The following CANX variants were observed in gnomAD, a reference collection of about 807,000 sequenced individuals.
The protein encoded by CANX is epididymis secretory sperm binding protein.
In CANX, 14 loss-of-function variants were observed where a neutral mutation model predicts 75.7. That is an observed-to-expected ratio of 0.19 (90% CI 0.12 to 0.29). The LOEUF is 0.29. Among genes scored for constraint, CANX ranks in the 10% least tolerant of loss-of-function variants. CANX has a pLI of 1.00. For synonymous variants in CANX, 227 were observed against 236.9 expected (o/e 0.96, Z 0.38); for missense variants, 567 against 713.2 (o/e 0.79, Z 2.34).
chr5:179,726,804 A>G (rs1407713334), intron 14 of CANX, 45 bp downstream of exon 14: 11 of 1,363,612 alleles, frequency 8.1e-6, no homozygotes, highest in Non-Finnish European at 1.2e-5. Flanking sequence ...AGCTGAAGGT[A>G]CATTTATGTA....
At chr5:179,688,934 G>A (rs969974513) in intron 1 of CANX, among the ~76,000 whole-genome samples, 6 of 151,368 alleles carry the variant, frequency 4.0e-5, no homozygotes, top group Non-Finnish European at 4.4e-5. Flanking sequence ...GGACAACAGA[G>A]TGAGACACTA....
intron 6 of CANX, among the ~76,000 whole-genome samples, chr5:179,709,274 C>T (rs1450572613): frequency 1.3e-5 from 2 of 152,036 alleles, no homozygotes; most frequent in African/African-American, 2.4e-5. Flanking sequence ...ATTAGCCAGG[C>T]GTGGTGGCAG....
At chr5:179,687,477 C>T (rs1776211187) in intron 1 of CANX, among the ~76,000 whole-genome samples, 1 of 152,110 alleles carries the variant, frequency 6.6e-6, no homozygotes, top group African/African-American at 2.4e-5. Context: ...GTAAATCTTC[C>T]AATAATATTC....
At position 179,699,013 on chromosome 5, in the gene CANX, C is replaced by T. The variant is rs753364875; in HGVS notation, c.-93C>T. On this transcript the variant is annotated 5_prime_UTR_variant, in exon 1 of 15. Transcript: ENST00000247461. ...GTTCTGCGGCACGTGACGGTCGGGC[C>T]GCCTCCGCCTCTCTCTTTACTGCGG... 2.8e-5 allele frequency: 31 copies of T among 1,113,336 alleles called. No homozygotes were observed. The highest frequency in any genetic ancestry group is 9.9e-5 in the East Asian group (1 of 10,130). 69.0% of individuals were successfully genotyped at this position (1,113,336 alleles called of 1,614,324 possible).
chr5:179,698,830 G>A (rs773181581), upstream of CANX: 7 of 809,436 alleles, frequency 8.6e-6, no homozygotes, highest in Non-Finnish European at 8.3e-6. Flanking sequence ...GGGACGGTGC[G>A]TAGAGCGATG....
chr5:179,720,005 A>G (rs1267696911), intron 9 of CANX, among the ~76,000 whole-genome samples: 5 of 151,440 alleles, frequency 3.3e-5, no homozygotes, highest in South Asian at 2.1e-4. Context: ...TATTTTTTGT[A>G]TTTTTAGTAG....
At chr5:179,698,875 G>C, upstream of CANX, 11 of 1,121,712 alleles carry the variant, frequency 9.8e-6, no homozygotes, top group Non-Finnish European at 9.0e-6. Context: ...GGGCTTGCGC[G>C]GGAGGGCGGG....
intron 1 of CANX, chr5:179,679,340 T>C (rs1020568714): frequency 1.6e-6 from 2 of 1,261,314 alleles, no homozygotes; most frequent in African/African-American, 3.0e-5. Context: ...GGCGGACATG[T>C]CTTAGCCCTG....
chr5:179,688,715 T>C (rs1776239962), intron 1 of CANX, among the ~76,000 whole-genome samples: 1 of 151,318 alleles, frequency 6.6e-6, no homozygotes, highest in Admixed American at 6.6e-5. Flanking sequence ...ACATGATGGC[T>C]CATGCCTGTA....
rs75657866 is a variant in CANX, at chr5:179,703,850, T to C, written c.-3-1829T>C. Among the ~76,000 whole-genome samples, 150 of 152,216 alleles carry C rather than the reference T, an allele frequency of 9.9e-4. 1 individual carries two copies. The East Asian group carries it at 0.024, about 24-fold the overall frequency. On this transcript the variant is annotated intron_variant, in intron 1 of 14. Coordinates refer to ENST00000247461, the MANE Select transcript of CANX (RefSeq NM_001746.4). Reference sequence around the variant, plus strand: ...AGTTTTTGGGTGATGAGTCTTCTTGTAGGATAGCTTGAAAGAGGAGGAGGA... The same window carrying C: ...AGTTTTTGGGTGATGAGTCTTCTTGCAGGATAGCTTGAAAGAGGAGGAGGA...
intron 1 of CANX, chr5:179,678,961 G>T (rs751513335): frequency 6.5e-7 from 1 of 1,535,790 alleles, no homozygotes; most frequent in African/African-American, 1.4e-5. Flanking sequence ...CGTAGGCGAG[G>T]CCCAGCTCGG....
At position 179,699,206 on chromosome 5, in the gene CANX, C is replaced by A. The variant is rs1360299657; in HGVS notation, c.-4+104C>A. The A allele has an allele frequency of 4.3e-6, 3 of 689,920 alleles. No homozygotes were observed. The East Asian group carries it at 4.0e-4, about 93-fold the overall frequency. 42.7% of individuals were successfully genotyped at this position (689,920 alleles called of 1,614,324 possible). ...CGGGCGTGGCCGGCGACTGAGGGGT[C>A]GGGCTGGCTCTTGAGGGCCCAGGCC... On this transcript the variant is annotated intron_variant, in intron 1 of 14. Coordinates refer to ENST00000247461, the MANE Select transcript of CANX (RefSeq NM_001746.4).
chr5:179,681,058 C>T, intron 1 of CANX: 1 of 710,984 alleles, frequency 1.4e-6, no homozygotes, highest in Non-Finnish European at 2.4e-6. Context: ...ACCCACTCAG[C>T]TCTTGTCCAC....
At chr5:179,696,603 C>T (rs1484431821), upstream of CANX, among the ~76,000 whole-genome samples, 1 of 152,130 alleles carries the variant, frequency 6.6e-6, no homozygotes, top group Non-Finnish European at 1.5e-5. Flanking sequence ...TCTAGAGTTT[C>T]AGGCCCCCTC....
intron 7 of CANX, among the ~76,000 whole-genome samples, chr5:179,713,059 G>A (rs1777689361): frequency 6.6e-6 from 1 of 151,652 alleles, no homozygotes; most frequent in Non-Finnish European, 1.5e-5. Context: ...GTGAGTCACT[G>A]TACCCAGCCT....
chr5:179,719,064 G>A (rs866250548), intron 8 of CANX, among the ~76,000 whole-genome samples: 22 of 151,684 alleles, frequency 1.5e-4, no homozygotes, highest in African/African-American at 5.1e-4. Context: ...CCAAAGTGCT[G>A]AGATTACAGG....
intron 7 of CANX, among the ~76,000 whole-genome samples, chr5:179,715,085 A>G (rs568282721): frequency 6.6e-6 from 1 of 152,332 alleles, no homozygotes; most frequent in South Asian, 2.1e-4. Context: ...AAAGAGTGTG[A>G]AGTTCTTCCT....
At chr5:179,686,657 T>G (rs1208388178) in intron 1 of CANX, among the ~76,000 whole-genome samples, 1 of 151,446 alleles carries the variant, frequency 6.6e-6, no homozygotes, top group Non-Finnish European at 1.5e-5. Flanking sequence ...GGAGATGGGC[T>G]TTTGCCATGT....
intron 1 of CANX, chr5:179,678,966 G>C: frequency 6.5e-7 from 1 of 1,535,836 alleles, no homozygotes; most frequent in South Asian, 1.2e-5. Flanking sequence ...GCGAGGCCCA[G>C]CTCGGCCTGG....
Sources: allele counts gnomAD v4.1 joint callset (sites outside exome capture counted in the v4.1 genomes callset), GRCh38; gene constraint gnomAD v4.1.1; transcripts MANE v1.5; gene names NCBI Gene and HGNC (gene_info 2026-07-23, HGNC 2026-07-21).